TIMP2: variants seen among roughly 807,000 people sequenced by gnomAD.
The protein encoded by TIMP2 is metalloproteinase inhibitor 2.
In TIMP2, 5 loss-of-function variants were observed where a neutral mutation model predicts 24.3. That is an observed-to-expected ratio of 0.21 (90% CI 0.11 to 0.43). The LOEUF is 0.43. TIMP2 is among the 20% of genes least tolerant of loss of function. TIMP2 has a pLI of 1.00. For synonymous variants in TIMP2, 130 were observed against 123.2 expected (o/e 1.06, Z -0.37); for missense variants, 221 against 297.5 (o/e 0.74, Z 1.89).
intron 1 of TIMP2, among the ~76,000 whole-genome samples, chr17:78,878,428 C>T (rs1028739383): frequency 1.1e-4 from 16 of 152,112 alleles, no homozygotes; most frequent in African/African-American, 3.6e-4. Context: ...TTCAGGACCA[C>T]GAGCATCGCA....
In TIMP2 at chr17:78,886,327, G is replaced by A. The variant is rs560819311; in HGVS notation, c.131-12408C>T. Among the ~76,000 whole-genome samples the A allele has an allele frequency of 8.5e-5, 13 of 152,300 alleles. No homozygotes were observed. The South Asian group carries it at 2.7e-3, about 32-fold the overall frequency. ...AAATAACCCACTCAAAGGCAGGCTG[G>A]TTCCCCCATCAGACTGTGGCTTCCA... On this transcript the variant is annotated intron_variant, in intron 1 of 4. Coordinates refer to ENST00000262768, the MANE Select transcript of TIMP2 (RefSeq NM_003255.5).
chr17:78,863,077 G>A (rs756552691), intron 3 of TIMP2, among the ~76,000 whole-genome samples: 23 of 152,142 alleles, frequency 1.5e-4, no homozygotes, highest in Non-Finnish European at 2.9e-5. Context: ...CCCAGCAGTG[G>A]GATTGCTGGG....
At chr17:78,871,622 A>G (rs567043842) in intron 2 of TIMP2, among the ~76,000 whole-genome samples, 3 of 152,052 alleles carry the variant, frequency 2.0e-5, no homozygotes, top group African/African-American at 7.2e-5. Context: ...CGAGGCAGGC[A>G]GATCACGAGG....
chr17:78,876,647 G>A (rs2069730335), intron 1 of TIMP2, among the ~76,000 whole-genome samples: 1 of 152,026 alleles, frequency 6.6e-6, no homozygotes, highest in Non-Finnish European at 1.5e-5. Flanking sequence ...CTCCTGAGTA[G>A]CTGGGGTTAC....
At chr17:78,877,155 G>A (rs1343802898) in intron 1 of TIMP2, among the ~76,000 whole-genome samples, 3 of 152,194 alleles carry the variant, frequency 2.0e-5, no homozygotes, top group Non-Finnish European at 2.9e-5. Flanking sequence ...TTTGTCCTTG[G>A]CTCTCTTGCT....
chr17:78,910,265 T>C (rs1000478887), intron 1 of TIMP2, among the ~76,000 whole-genome samples: 1 of 151,816 alleles, frequency 6.6e-6, no homozygotes, highest in Non-Finnish European at 1.5e-5. Context: ...TGATCTCGGC[T>C]CGCTGCAACC....
intron 3 of TIMP2, among the ~76,000 whole-genome samples, chr17:78,866,228 C>T (rs1168854995): frequency 2.0e-5 from 3 of 152,296 alleles, no homozygotes; most frequent in Non-Finnish European, 2.9e-5. Context: ...CAGCAGCCCC[C>T]GAATGCCACA....
Position 78,891,729 on chromosome 17 carries a change from C to T in TIMP2, c.131-17810G>A. The T allele has an allele frequency of 6.4e-7, 1 of 1,551,260 alleles. No individual in the cohort carries two copies. Among genetic ancestry groups the T allele is most frequent in the Non-Finnish European group, 8.7e-7 (1 of 1,147,146 alleles). ...TCCACAAGCCCGATTTCTCCCACAG[C>T]AGCCACGAGTGGGTTTGACCTTTCT... On this transcript the variant is annotated intron_variant, in intron 1 of 4. Transcript: ENST00000262768. The surrounding 1 kb of genome is among the most constrained non-coding windows in gnomAD (Gnocchi z 4.5).
intron 1 of TIMP2, among the ~76,000 whole-genome samples, chr17:78,885,987 T>A (rs1389803005): frequency 6.6e-6 from 1 of 152,116 alleles, no homozygotes. Flanking sequence ...TCATGACATC[T>A]CCGTAAGAAT....
chr17:78,898,694 A>G (rs537225933), intron 1 of TIMP2: 1 of 152,200 alleles, frequency 6.6e-6, no homozygotes, highest in South Asian at 2.1e-4. Context: ...TTAGGCTCTG[A>G]TTCAATAGTC....
intron 1 of TIMP2, among the ~76,000 whole-genome samples, chr17:78,885,549 G>A (rs925195982): frequency 7.2e-5 from 11 of 152,294 alleles, no homozygotes; most frequent in African/African-American, 2.2e-4. Flanking sequence ...CCCTGAGCCC[G>A]CCAACATAGC....
rs60739394 is a variant in TIMP2 at position 78,889,310 on chromosome 17, G to A, written c.131-15391C>T. Among the ~76,000 whole-genome samples, 346 of 152,324 alleles carry A rather than the reference G, an allele frequency of 2.3e-3. 6 individuals are homozygous for A. In the East Asian group the frequency reaches 0.052, roughly 23 times the overall value. ...ATGCCAGGTCAGTGGCAAAGCTAGC[G>A]GGGAGGAAACTGATCAAACACCCAG... On this transcript the variant is annotated intron_variant, in intron 1 of 4. Transcript: ENST00000262768.
intron 1 of TIMP2, among the ~76,000 whole-genome samples, chr17:78,908,706 A>G (rs1033912795): frequency 1.3e-5 from 2 of 152,156 alleles, no homozygotes; most frequent in Non-Finnish European, 2.9e-5. Flanking sequence ...CCTCGACAGT[A>G]TTTTTATGCA....
chr17:78,862,187 C>G (rs1351612818), intron 3 of TIMP2, among the ~76,000 whole-genome samples: 1 of 152,198 alleles, frequency 6.6e-6, no homozygotes, highest in Non-Finnish European at 1.5e-5. Context: ...ACTGAGTCAT[C>G]GGTCCAGGAG....
At position 78,925,106 on chromosome 17, in the gene TIMP2, GGC is replaced by G; in HGVS notation, c.-20_-19del. ...GCGCCCATGGCGGGCCGGGGGGCTGGGCGGGCGGGGGCCGCCGCTGGGGGGTC... is the reference window on the plus strand; with the variant it reads ...GCGCCCATGGCGGGCCGGGGGGCTGGGGGCGGGGGCCGCCGCTGGGGGGTC... On this transcript the variant is annotated 5_prime_UTR_variant, in exon 1 of 5. Transcript: ENST00000262768. The G allele has an allele frequency of 1.1e-6, 1 of 912,502 alleles. No individual in the cohort carries two copies. The highest frequency in any genetic ancestry group is 1.3e-6 in the Non-Finnish European group (1 of 765,336). The allele number at this position is 912,502 out of a possible 1,614,324, so 56.5% of individuals were successfully genotyped here. A position where few individuals can be genotyped will look rare whatever the true frequency, so the allele number is the denominator to read the frequency against.
intron 1 of TIMP2, chr17:78,901,645 C>T (rs2070094991): frequency 1.4e-6 from 1 of 701,198 alleles, no homozygotes; most frequent in Non-Finnish European, 2.6e-6. Context: ...GTGACCTAGG[C>T]CAAGCGACTT....
intron 1 of TIMP2, among the ~76,000 whole-genome samples, chr17:78,883,867 G>A (rs892290043): frequency 2.4e-4 from 36 of 152,136 alleles, no homozygotes; most frequent in African/African-American, 8.0e-4. Flanking sequence ...GGAGGACCTC[G>A]GGGCCCACGT....
chr17:78,913,289 G>A (rs557469133), intron 1 of TIMP2, among the ~76,000 whole-genome samples: 1 of 152,330 alleles, frequency 6.6e-6, no homozygotes, highest in South Asian at 2.1e-4. Context: ...AACCCACGTT[G>A]AGGCCCTACT....
chr17:78,912,536 TA>T (rs1568007824), intron 1 of TIMP2, among the ~76,000 whole-genome samples: 1 of 152,342 alleles, frequency 6.6e-6, no homozygotes, highest in East Asian at 1.9e-4. Flanking sequence ...TTCCCTGCTC[TA>T]GCCCACCCGT....
Sources: allele counts gnomAD v4.1 joint callset (sites outside exome capture counted in the v4.1 genomes callset), GRCh38; gene constraint gnomAD v4.1.1; non-coding constraint Gnocchi (gnomAD v3.1); transcripts MANE v1.5; gene names NCBI Gene and HGNC (gene_info 2026-07-23, HGNC 2026-07-21).